The following AKNAD1 variants were observed in gnomAD, a reference collection of about 807,000 sequenced individuals.
AKNAD1 encodes the protein protein AKNAD1.
AKNAD1 carries 67 observed loss-of-function variants against 90.8 expected under a neutral mutation model. That is an observed-to-expected ratio of 0.74 (90% confidence interval 0.61 to 0.90). The LOEUF (loss-of-function observed/expected upper bound fraction) is 0.90. AKNAD1 is among the 40% of genes least tolerant of loss of function. The probability of loss-of-function intolerance (pLI) is 0.00; values close to 1 mark genes in which losing one functional copy is unlikely to be tolerated. For missense variants in AKNAD1, 957 were observed against 975.4 expected (o/e 0.98, Z 0.25); for synonymous variants, 327 against 341.4 (o/e 0.96, Z 0.46).
chr1:108,850,319 A>T (rs1664811928), intron 2 of AKNAD1, among the ~76,000 whole-genome samples: 5 of 151,576 alleles, frequency 3.3e-5, no homozygotes, highest in African/African-American at 7.2e-5. Context: ...ATCTGAATTG[A>T]CAGAACTGGA....
Position 108,849,076 on chromosome 1 carries a change from C to G in AKNAD1, c.1034-16G>C, listed in dbSNP as rs548201996. 1 of 1,556,788 alleles carries G rather than the reference C, an allele frequency of 6.4e-7. No homozygotes were observed. Among genetic ancestry groups the G allele is most frequent in the Admixed American group, 2.1e-5 (1 of 48,310 alleles). ...GATTCTATTCCTATACAAGAAAGAA[C>G]ACATTTGGGCTACCATTCATCTCAA... On this transcript the variant is annotated splice_polypyrimidine_tract_variant and intron_variant, in intron 3 of 15. Coordinates refer to ENST00000370001, the MANE Select transcript of AKNAD1 (RefSeq NM_152763.5).
chr1:108,851,820 A>C lies in AKNAD1; in HGVS notation c.845T>G (p.Ile282Arg). The stretch of plus-strand genomic sequence containing the variant: ...GGAAGAAAAGCTGGCTTGTTTAGCT[A>C]TTGCAAGTGGTTTATTAATTATCTT... ...KNKIINKPLAIAKQASFSSKS... is the reference protein window; with the variant it reads ...KNKIINKPLARAKQASFSSKS... Residue 282 changes from isoleucine to arginine, a missense_variant, in exon 2 of 16, where the codon ATA (isoleucine) becomes AGA (arginine). Transcript: ENST00000370001. 6.2e-7 allele frequency: 1 copy of C among 1,613,992 alleles called. No homozygotes were observed. The highest frequency in any genetic ancestry group is 8.5e-7 in the Non-Finnish European group (1 of 1,179,924).
Position 108,843,117 on chromosome 1 carries a change from G to A in AKNAD1, c.1379+17C>T, listed in dbSNP as rs1664599908. On this transcript the variant is annotated intron_variant, in intron 6 of 15. Transcript: ENST00000370001. ...ACCTTTGACCCTTCCACCTTACACA[G>A]TTGGTTTAAATCTGACCTTTCTGGA... The A allele has an allele frequency of 6.2e-7, 1 of 1,613,320 alleles. No homozygotes were observed. The highest frequency in any genetic ancestry group is 1.3e-5 in the African/African-American group (1 of 74,906).
intron 1 of AKNAD1, among the ~76,000 whole-genome samples, chr1:108,853,273 AG>A (rs1455661619): frequency 1.3e-5 from 2 of 151,774 alleles, no homozygotes; most frequent in African/African-American, 4.8e-5. Flanking sequence ...CCGGGACTAC[AG>A]GTGCCCGCCA....
rs1461603397 is a variant in AKNAD1, at chr1:108,851,960, T to C, written c.705A>G (p.Lys235=). The part of the protein sequence containing the change: ...QKSYQGQSPQ[K]QQTEKANSGN... ...CTGAATTTGCTTTTTCAGTCTGCTG[T>C]TTCTGGGGTGACTGCCCTTGATAAC... is the stretch of plus-strand genomic sequence containing the variant. Residue 235 remains lysine (K), a synonymous_variant, in exon 2 of 16, where the codon AAA becomes AAG. Transcript: ENST00000370001. 6.2e-7 allele frequency: 1 copy of C among 1,614,228 alleles called. No individual in the cohort carries two copies.
At chr1:108,855,996 C>T (rs71514048) in intron 1 of AKNAD1, among the ~76,000 whole-genome samples, 3 of 150,978 alleles carry the variant, frequency 2.0e-5, no homozygotes, top group Non-Finnish European at 4.4e-5. Flanking sequence ...GGACTACAGG[C>T]GCACACCACC....
chr1:108,845,561 C>T lies in AKNAD1; in HGVS notation c.1246-2294G>A, dbSNP rs145685091. 4.7e-3 allele frequency among the ~76,000 whole-genome samples: 712 copies of T among 152,330 alleles called. 8 individuals carry two copies. The highest frequency in any genetic ancestry group is 0.016 in the African/African-American group (680 of 41,586). On this transcript the variant is annotated intron_variant, in intron 5 of 15. Coordinates refer to ENST00000370001, the MANE Select transcript of AKNAD1 (RefSeq NM_152763.5). ...CCTTATTGGTTTCCCTTAGCCTTGC[C>T]CACACTGTTGTAAACTAATGCCTTT...
chr1:108,820,503 C>A, intron 14 of AKNAD1, 42 bp downstream of exon 14: 1 of 1,341,464 alleles, frequency 7.5e-7, no homozygotes, highest in Non-Finnish European at 1.1e-6. Flanking sequence ...TCCACCCAAC[C>A]AATGAGAAAT....
At chr1:108,833,362 C>T (rs1664267396) in intron 9 of AKNAD1, among the ~76,000 whole-genome samples, 1 of 152,116 alleles carries the variant, frequency 6.6e-6, no homozygotes, top group African/African-American at 2.4e-5. Context: ...GTGGGTGGAT[C>T]ACCTGAGGTC....
At chr1:108,838,721 A>G (rs1346597759) in intron 6 of AKNAD1, among the ~76,000 whole-genome samples, 1 of 152,174 alleles carries the variant, frequency 6.6e-6, no homozygotes, top group East Asian at 1.9e-4. Flanking sequence ...TAAGAATGAG[A>G]AAGGAAAAAT....
rs1663585767 is a variant in AKNAD1, at chr1:108,816,109, G to C, written c.*62C>G. On this transcript the variant is annotated 3_prime_UTR_variant, in exon 16 of 16. Coordinates refer to ENST00000370001, the MANE Select transcript of AKNAD1 (RefSeq NM_152763.5). ...TTGTGTAGTAAGTAAAATACATTTTGGGGGAAGATCAAGTTTTCTTTGCAT... is the reference window on the plus strand; with the variant it reads ...TTGTGTAGTAAGTAAAATACATTTTCGGGGAAGATCAAGTTTTCTTTGCAT... The C allele has an allele frequency of 6.8e-7, 1 of 1,478,512 alleles. No individual in the cohort carries two copies. 91.6% of individuals were successfully genotyped at this position (1,478,512 alleles called of 1,614,324 possible). A position where few individuals can be genotyped will look rare whatever the true frequency, so the allele number is the denominator to read the frequency against.
intron 11 of AKNAD1, 27 bp downstream of exon 11, chr1:108,827,178 G>T: frequency 6.4e-7 from 1 of 1,569,812 alleles, no homozygotes; most frequent in Non-Finnish European, 8.7e-7. Flanking sequence ...TGAAAAATGA[G>T]CACCCAGCCC....
chr1:108,843,520 C>A (rs578116144), intron 5 of AKNAD1, among the ~76,000 whole-genome samples: 10 of 152,340 alleles, frequency 6.6e-5, no homozygotes, highest in Non-Finnish European at 1.2e-4. Context: ...CTCTCAGAAC[C>A]CACTCAGAGG....
chr1:108,846,397 TTC>T (rs1664700471), intron 5 of AKNAD1, among the ~76,000 whole-genome samples: 1 of 152,188 alleles, frequency 6.6e-6, no homozygotes, highest in Non-Finnish European at 1.5e-5. Context: ...CCCTTTAAAA[TTC>T]TGTGTTCTTC....
At position 108,852,162 on chromosome 1, in the gene AKNAD1, A is replaced by G. The variant is rs1346969263; in HGVS notation, c.503T>C (p.Leu168Pro). 1 of 1,613,882 alleles carries G rather than the reference A, an allele frequency of 6.2e-7. No homozygotes were observed. The highest frequency in any genetic ancestry group is 8.5e-7 in the Non-Finnish European group (1 of 1,180,030). Residue 168 changes from leucine to proline, a missense_variant, in exon 2 of 16, where the codon CTC becomes CCC. By Grantham distance (98) the Leu-to-Pro change is moderately conservative. Coordinates refer to ENST00000370001, the MANE Select transcript of AKNAD1 (RefSeq NM_152763.5). ...CCTTTTCGGGTTGAGTTGGTCAGTGAGTTCTGGGGTTTGTTCTTTTGGCCA... is the reference window on the plus strand; with the variant it reads ...CCTTTTCGGGTTGAGTTGGTCAGTGGGTTCTGGGGTTTGTTCTTTTGGCCA... ...NSWPKEQTPE[L>P]TDQLNPKRDG...
Position 108,830,641 on chromosome 1 carries a change from T to C in AKNAD1, c.1756A>G (p.Asn586Asp), listed in dbSNP as rs1368692549. 1.2e-6 allele frequency: 2 copies of C among 1,614,066 alleles called. No homozygotes were observed. Among genetic ancestry groups the C allele is most frequent in the Admixed American group, 1.7e-5 (1 of 60,028 alleles). Residue 586 changes from asparagine to aspartate, a missense_variant, in exon 10 of 16, where the codon AAC (asparagine) becomes GAC (aspartate). Transcript: ENST00000370001. ...RLSSNSGEDP[N>D]GTPRRQDCAE... ...CAATCCTGCCTTCTTGGAGTGCCGT[T>C]GGGATCCTCCTGCGCCACAAAGCAC...
At chr1:108,845,232 C>T (rs559625247) in intron 5 of AKNAD1, among the ~76,000 whole-genome samples, 1 of 152,348 alleles carries the variant, frequency 6.6e-6, no homozygotes, top group East Asian at 1.9e-4. Flanking sequence ...CAGGTTCATC[C>T]TCTTTCTCTG....
intron 6 of AKNAD1, among the ~76,000 whole-genome samples, chr1:108,842,509 T>A (rs954426192): frequency 6.6e-6 from 1 of 152,226 alleles, no homozygotes; most frequent in Non-Finnish European, 1.5e-5. Context: ...AAGATTCTAA[T>A]GTGAATTAAC....
In AKNAD1 at chr1:108,834,299, A is replaced by G. The variant is rs1460056917; in HGVS notation, c.1746+148T>C. ...TGGGAAACCGTCAGCAGTACCAGCC[A>G]TCACCAGCACTGACACCCAGGATGC... On this transcript the variant is annotated intron_variant, in intron 9 of 15. Coordinates refer to ENST00000370001, the MANE Select transcript of AKNAD1 (RefSeq NM_152763.5). The G allele has an allele frequency of 1.4e-5, 9 of 661,286 alleles. 1 individual carries two copies. Among genetic ancestry groups the G allele is most frequent in the East Asian group, 5.6e-5 (2 of 35,776 alleles). The allele number at this position is 661,286 out of a possible 1,614,324, so 41.0% of individuals were successfully genotyped here.
Sources: gnomAD v4.1 joint callset for allele counts (sites outside exome capture counted in the v4.1 genomes callset) on GRCh38, gnomAD v4.1.1 for gene constraint, MANE v1.5 for transcripts, NCBI Gene and HGNC (gene_info 2026-07-23, HGNC 2026-07-21) for gene names.